The following KIF6 variants were observed in gnomAD, a reference collection of about 807,000 sequenced individuals.
KIF6 encodes kinesin family member 6.
In KIF6, 106 loss-of-function variants were observed where a neutral mutation model predicts 112.7. The observed-to-expected ratio is 0.94, with a 90% confidence interval of 0.80 to 1.11. The LOEUF (loss-of-function observed/expected upper bound fraction) is 1.11. Among genes scored for constraint, KIF6 ranks in the 50% least tolerant of loss-of-function variants. The pLI is 0.00. For missense variants in KIF6, 929 were observed against 964.0 expected (o/e 0.96, Z 0.48); for synonymous variants, 339 against 339.9 (o/e 1.00, Z 0.03).
chr6:39,592,992 G>A (rs1782036609), intron 7 of KIF6, among the ~76,000 whole-genome samples: 1 of 152,166 alleles, frequency 6.6e-6, no homozygotes, highest in Admixed American at 6.5e-5. Context: ...GAAACCGAGA[G>A]AGGGGATAGG....
At chr6:39,404,592 TTGTGTGG>T (rs1024987148) in intron 15 of KIF6, among the ~76,000 whole-genome samples, 14 of 152,316 alleles carry the variant, frequency 9.2e-5, no homozygotes, top group African/African-American at 2.9e-4. Flanking sequence ...AGTCTTAAAA[TTGTGTGG>T]TGTGACTTCT....
chr6:39,567,797 C>T (rs1190808799), intron 10 of KIF6, among the ~76,000 whole-genome samples: 4 of 152,000 alleles, frequency 2.6e-5, no homozygotes, highest in African/African-American at 4.8e-5. Context: ...TTAGTACAGA[C>T]GGGGTTTCAC....
chr6:39,654,448 TC>T (rs1785654140), intron 3 of KIF6, among the ~76,000 whole-genome samples: 1 of 152,186 alleles, frequency 6.6e-6, no homozygotes, highest in African/African-American at 2.4e-5. Flanking sequence ...GGGACCTTTC[TC>T]CATCAATTAA....
chr6:39,453,951 A>G (rs1384881286), intron 13 of KIF6, among the ~76,000 whole-genome samples: 3 of 152,210 alleles, frequency 2.0e-5, no homozygotes, highest in Non-Finnish European at 2.9e-5. Context: ...TCATCTAAGT[A>G]ATATAACCAA....
rs1176302777 is a variant in KIF6, at chr6:39,639,606, A to T, written c.399+4T>A. The stretch of plus-strand genomic sequence containing the variant: ...CAAAATGATATGAACGAAAAGTTTC[A>T]TACCTTTTGTAACTGTTCAAAAATG... On this transcript the variant is annotated splice_donor_region_variant and intron_variant, in intron 4 of 22. Coordinates refer to ENST00000287152, the MANE Select transcript of KIF6 (RefSeq NM_145027.6). 1 of 1,559,202 alleles carries T rather than the reference A, an allele frequency of 6.4e-7. No individual in the cohort carries two copies. The highest frequency in any genetic ancestry group is 8.6e-7 in the Non-Finnish European group (1 of 1,156,748).
At chr6:39,703,768 T>C (rs369579213) in intron 3 of KIF6, among the ~76,000 whole-genome samples, 2 of 152,210 alleles carry the variant, frequency 1.3e-5, no homozygotes, top group East Asian at 1.9e-4. Context: ...TCTCCAACCA[T>C]TCTAACAACA....
chr6:39,398,633 A>G (rs1226486470), intron 15 of KIF6, among the ~76,000 whole-genome samples: 1 of 152,252 alleles, frequency 6.6e-6, no homozygotes, highest in Non-Finnish European at 1.5e-5. Flanking sequence ...AAAATGAAAT[A>G]ACCCAAATGC....
intron 3 of KIF6, among the ~76,000 whole-genome samples, chr6:39,702,465 T>C (rs1027335120): frequency 2.6e-5 from 4 of 152,208 alleles, no homozygotes; most frequent in Admixed American, 2.6e-4. Flanking sequence ...TTTTTCCTTA[T>C]CAAAAGCTGT....
chr6:39,556,672 G>GT (rs781150610), intron 10 of KIF6, among the ~76,000 whole-genome samples: 6 of 152,148 alleles, frequency 3.9e-5, no homozygotes, highest in Non-Finnish European at 8.8e-5. Context: ...GGTGGGAAAG[G>GT]TGGGAAGGAG....
At chr6:39,575,647 G>C (rs986121297) in intron 10 of KIF6, among the ~76,000 whole-genome samples, 8 of 152,142 alleles carry the variant, frequency 5.3e-5, no homozygotes, top group Non-Finnish European at 1.0e-4. Flanking sequence ...GAACTTCTCT[G>C]GGCTCTCTGT....
At position 39,343,435 on chromosome 6, in the gene KIF6, ATCT is replaced by A. The variant is rs1763456730; in HGVS notation, c.2428+271_2428+273del. On this transcript the variant is annotated intron_variant, in intron 22 of 22. Transcript: ENST00000287152. This position sits in a 1 kb window ranked among gnomAD's most constrained non-coding sequence, Gnocchi z 4.1. ...GGAACAGAGAACAAAGGAGCTGAAG[ATCT>A]GGAAGAGACAGAGAGCAAGCTCTGC... The A allele has an allele frequency of 7.1e-7, 1 of 1,414,280 alleles. No homozygotes were observed. The highest frequency in any genetic ancestry group is 1.4e-5 in the African/African-American group (1 of 70,174). 87.6% of individuals were successfully genotyped at this position (1,414,280 alleles called of 1,614,324 possible). A position where few individuals can be genotyped will look rare whatever the true frequency, so the allele number is the denominator to read the frequency against.
intron 6 of KIF6, among the ~76,000 whole-genome samples, chr6:39,597,512 G>A (rs1386231911): frequency 6.6e-6 from 1 of 151,996 alleles, no homozygotes; most frequent in Non-Finnish European, 1.5e-5. Flanking sequence ...TCATACCACA[G>A]CAAAGAAAGG....
intron 16 of KIF6, among the ~76,000 whole-genome samples, chr6:39,366,700 A>T (rs926645223): frequency 6.6e-6 from 1 of 152,184 alleles, no homozygotes; most frequent in African/African-American, 2.4e-5. Context: ...TGCTTGCTGC[A>T]TCTAACAACA....
chr6:39,664,170 T>C (rs765314923), intron 3 of KIF6, among the ~76,000 whole-genome samples: 1 of 152,132 alleles, frequency 6.6e-6, no homozygotes, highest in Non-Finnish European at 1.5e-5. Flanking sequence ...TCTAGGATTG[T>C]CAAGACATAA....
At chr6:39,584,874 A>T (rs1781534047) in intron 9 of KIF6, 24 bp downstream of exon 9, 5 of 1,421,630 alleles carry the variant, frequency 3.5e-6, no homozygotes, top group Non-Finnish European at 4.0e-6. Flanking sequence ...TATATTTTTT[A>T]AAATATCGTT....
chr6:39,409,108 T>C (rs979668457), intron 15 of KIF6, among the ~76,000 whole-genome samples: 12 of 152,208 alleles, frequency 7.9e-5, no homozygotes, highest in Non-Finnish European at 2.9e-5. Flanking sequence ...ATAATAATAG[T>C]GCCTCTATCA....
At chr6:39,495,749 A>G (rs1190944657) in intron 13 of KIF6, among the ~76,000 whole-genome samples, 1 of 152,190 alleles carries the variant, frequency 6.6e-6, no homozygotes, top group Non-Finnish European at 1.5e-5. Flanking sequence ...TTGCATCTCA[A>G]ACTTTTCTGA....
At chr6:39,641,603 C>T (rs1784903729) in intron 3 of KIF6, among the ~76,000 whole-genome samples, 1 of 151,798 alleles carries the variant, frequency 6.6e-6, no homozygotes, top group African/African-American at 2.4e-5. Flanking sequence ...TGTAACTAAC[C>T]TGCACGTTGT....
intron 13 of KIF6, among the ~76,000 whole-genome samples, chr6:39,510,325 C>T (rs1214813038): frequency 1.3e-5 from 2 of 152,034 alleles, no homozygotes; most frequent in Non-Finnish European, 2.9e-5. Context: ...ATCTCCTGAC[C>T]TCATGATCCA....
Sources: allele counts gnomAD v4.1 joint callset (sites outside exome capture counted in the v4.1 genomes callset), GRCh38; gene constraint gnomAD v4.1.1; non-coding constraint Gnocchi (gnomAD v3.1); transcripts MANE v1.5; gene names NCBI Gene and HGNC (gene_info 2026-07-23, HGNC 2026-07-21).